The following GREB1L variants were observed in gnomAD, a reference collection of about 807,000 sequenced individuals.
GREB1L encodes GREB1 like retinoic acid receptor coactivator, also known as GREB1-like protein.
A neutral mutation model predicts 200.8 loss-of-function variants in GREB1L; 17 were observed. The observed-to-expected ratio is 0.08, with a 90% CI of 0.06 to 0.13. The LOEUF (loss-of-function observed/expected upper bound fraction) is 0.13. GREB1L is among the 10% of genes least tolerant of loss of function. GREB1L has a pLI of 1.00. For synonymous variants in GREB1L, 789 were observed against 893.0 expected, an observed-to-expected ratio of 0.88 and a Z score of 2.08; for missense variants, 1,657 against 2,367.7, an observed-to-expected ratio of 0.70 and a Z score of 6.23.
Position 21,508,503 on chromosome 18 carries a change from C to T in GREB1L, c.4647C>T (p.Val1549=). 6.4e-7 allele frequency: 1 copy of T among 1,551,728 alleles called. No individual in the cohort carries two copies. Among genetic ancestry groups the T allele is most frequent in the Non-Finnish European group, 8.7e-7 (1 of 1,147,012 alleles). The part of the protein sequence containing the change: ...EGISHLHLLV[V]KEYEMPLYRK... ...TCAGCCACCTTCACCTCCTGGTGGT[C>T]AAAGAGTATGAGATGCCTCTGTACC... is the stretch of plus-strand genomic sequence containing the variant. Residue 1549 remains valine (V), a synonymous_variant, in exon 27 of 33, where the codon GTC becomes GTT. Transcript: ENST00000424526.
At chr18:21,381,795 C>T (rs1396862766) in intron 2 of GREB1L, among the ~76,000 whole-genome samples, 1 of 152,176 alleles carries the variant, frequency 6.6e-6, no homozygotes, top group Non-Finnish European at 1.5e-5. Context: ...AAGAGGCATT[C>T]CGTTCCAAAT....
At chr18:21,451,378 C>T (rs745681060) in intron 13 of GREB1L, 2 of 370,098 alleles carry the variant, frequency 5.4e-6, no homozygotes, top group Non-Finnish European at 9.6e-6. Flanking sequence ...CAGCCACAAC[C>T]TTGTTGAGTG....
At chr18:21,353,434 G>T (rs527249310) in intron 1 of GREB1L, among the ~76,000 whole-genome samples, 1 of 151,850 alleles carries the variant, frequency 6.6e-6, no homozygotes, top group South Asian at 2.1e-4. Context: ...CAAGGGTGGG[G>T]GTACTAATGT....
chr18:21,509,247 T>G (rs1489542335), intron 27 of GREB1L, among the ~76,000 whole-genome samples: 3 of 152,266 alleles, frequency 2.0e-5, no homozygotes, highest in African/African-American at 7.2e-5. Context: ...CTGAATCCAG[T>G]GTTTTAGAGC....
intron 1 of GREB1L, among the ~76,000 whole-genome samples, chr18:21,312,679 G>A (rs1248885668): frequency 6.6e-6 from 1 of 151,896 alleles, no homozygotes; most frequent in African/African-American, 2.4e-5. Context: ...TCAGCCTCCC[G>A]AGTAGCTGTG....
At chr18:21,253,754 A>G (rs1196682127) in intron 1 of GREB1L, among the ~76,000 whole-genome samples, 1 of 151,622 alleles carries the variant, frequency 6.6e-6, no homozygotes, top group East Asian at 1.9e-4. Context: ...ATCTCTATGC[A>G]TTAATGATTT....
chr18:21,258,702 G>A (rs1419155274), intron 1 of GREB1L, among the ~76,000 whole-genome samples: 1 of 152,154 alleles, frequency 6.6e-6, no homozygotes, highest in African/African-American at 2.4e-5. Flanking sequence ...AGAGGTGAAG[G>A]GAGATACATT....
intron 7 of GREB1L, among the ~76,000 whole-genome samples, chr18:21,410,477 A>T (rs1018341792): frequency 1.1e-4 from 17 of 151,456 alleles, no homozygotes; most frequent in African/African-American, 3.9e-4. Context: ...GCAACATGGC[A>T]AAACCCTGTC....
At chr18:21,447,628 A>G (rs1470324507) in intron 11 of GREB1L, among the ~76,000 whole-genome samples, 1 of 152,176 alleles carries the variant, frequency 6.6e-6, no homozygotes, top group East Asian at 1.9e-4. Context: ...GTTGTTAATG[A>G]AAGACGGTAG....
chr18:21,452,058 C>G (rs1246720202), intron 13 of GREB1L, 25 bp from the exon 14 acceptor site: 5 of 1,549,608 alleles, frequency 3.2e-6, no homozygotes, highest in Non-Finnish European at 3.5e-6. Flanking sequence ...TTCCTTGTAA[C>G]CTTCTTATCT....
At chr18:21,447,207 C>T (rs1374026639) in intron 11 of GREB1L, among the ~76,000 whole-genome samples, 4 of 152,000 alleles carry the variant, frequency 2.6e-5, no homozygotes, top group Non-Finnish European at 5.9e-5. Flanking sequence ...ATCACTTGAG[C>T]CCAGAAGTTC....
chr18:21,510,950 CTT>C (rs2037216384), intron 27 of GREB1L, among the ~76,000 whole-genome samples: 1 of 152,028 alleles, frequency 6.6e-6, no homozygotes, highest in Non-Finnish European at 1.5e-5. Flanking sequence ...ATCTGTATAT[CTT>C]CTTTGAAGAC....
rs542800675 is a variant in GREB1L at position 21,520,677 on chromosome 18, G to T, written c.5473-11G>T. 1 of 1,551,348 alleles carries T rather than the reference G, an allele frequency of 6.4e-7. No individual in the cohort carries two copies. The highest frequency in any genetic ancestry group is 2.0e-5 in the Admixed American group (1 of 50,964). ...TGAAATGCCCATGCTATTTTTGCTT[G>T]ATGATTTCAGGTGGCCATATGCTAT... On this transcript the variant is annotated splice_polypyrimidine_tract_variant and intron_variant, in intron 31 of 32. Coordinates refer to ENST00000424526, the MANE Select transcript of GREB1L (RefSeq NM_001142966.3).
intron 1 of GREB1L, among the ~76,000 whole-genome samples, chr18:21,283,910 G>T (rs1476252225): frequency 6.6e-6 from 1 of 152,212 alleles, no homozygotes; most frequent in Non-Finnish European, 1.5e-5. Context: ...GCTATAGCCA[G>T]GGCATGACAA....
chr18:21,309,173 C>T (rs773931740), intron 1 of GREB1L, among the ~76,000 whole-genome samples: 3 of 152,228 alleles, frequency 2.0e-5, no homozygotes, highest in Admixed American at 6.5e-5. Flanking sequence ...AGTTTCTTCA[C>T]TATAGGGCAA....
chr18:21,346,771 G>A (rs1000806450), intron 1 of GREB1L, among the ~76,000 whole-genome samples: 2 of 152,196 alleles, frequency 1.3e-5, no homozygotes, highest in Non-Finnish European at 1.5e-5. Context: ...AGGGAGCCTC[G>A]GTCCTGTCTC....
At position 21,505,856 on chromosome 18, in the gene GREB1L, T is replaced by C. The variant is rs767928718; in HGVS notation, c.4275T>C (p.Thr1425=). Residue 1425 remains threonine (T), a synonymous_variant, in exon 25 of 33, where the codon ACT becomes ACC. Coordinates refer to ENST00000424526, the MANE Select transcript of GREB1L (RefSeq NM_001142966.3). ...TTGAAGAGCCCAGGAAACGGGAAACTGTATCCATAATGCTGACCAAATATG... is the reference window on the plus strand; with the variant it reads ...TTGAAGAGCCCAGGAAACGGGAAACCGTATCCATAATGCTGACCAAATATG... ...SKVEEPRKRE[T]VSIMLTKYAA... 6.4e-7 allele frequency: 1 copy of C among 1,551,972 alleles called. No homozygotes were observed. The highest frequency in any genetic ancestry group is 1.2e-5 in the South Asian group (1 of 84,048).
At chr18:21,495,538 ATAAACATATG>A in intron 19 of GREB1L, 122 bp from the exon 20 acceptor site, 1 of 647,252 alleles carries the variant, frequency 1.5e-6, no homozygotes, top group Non-Finnish European at 2.7e-6. Flanking sequence ...ATATACATAC[ATAAACATATG>A]TAAACACTTA....
In GREB1L at chr18:21,274,235, T is replaced by C. The variant is rs1183348503; in HGVS notation, c.-120+31842T>C. Among the ~76,000 whole-genome samples the C allele has an allele frequency of 3.9e-5, 6 of 152,152 alleles. No individual in the cohort carries two copies. The East Asian group carries it at 1.2e-3, about 29-fold the overall frequency. ...TCTGGGGTCTTTTTTATAAGGTCAC[T>C]AATTTCATTCATGAGGGATATAACC... On this transcript the variant is annotated intron_variant, in intron 1 of 32. Coordinates refer to ENST00000424526, the MANE Select transcript of GREB1L (RefSeq NM_001142966.3).
Sources: allele counts gnomAD v4.1 joint callset (sites outside exome capture counted in the v4.1 genomes callset), GRCh38; gene constraint gnomAD v4.1.1; transcripts MANE v1.5; gene names NCBI Gene and HGNC (gene_info 2026-07-23, HGNC 2026-07-21).